ARHGAP15: variants seen among roughly 807,000 people sequenced by gnomAD.
The protein encoded by ARHGAP15 is Rho GTPase activating protein 15.
In ARHGAP15, 51 loss-of-function variants were observed where a neutral mutation model predicts 63.7. The ratio of observed to expected loss-of-function variants is 0.80; its 90% confidence interval spans 0.64 to 1.01. The LOEUF is 1.01. Among genes scored for constraint, ARHGAP15 ranks in the 50% least tolerant of loss-of-function variants. The probability of loss-of-function intolerance (pLI) is 0.00; values close to 1 mark genes in which losing one functional copy is unlikely to be tolerated. For missense variants in ARHGAP15, 560 were observed against 564.6 expected (o/e 0.99, Z 0.08); for synonymous variants, 191 against 193.8 (o/e 0.99, Z 0.12).
chr2:143,759,516 C>T (rs1352646678), intron 13 of ARHGAP15, among the ~76,000 whole-genome samples: 1 of 152,122 alleles, frequency 6.6e-6, no homozygotes, highest in African/African-American at 2.4e-5. Flanking sequence ...TGTCATTCTC[C>T]TGCTCGAACC....
At chr2:143,364,391 GAGTGGGAGTGAGA>G (rs1211570837) in intron 6 of ARHGAP15, among the ~76,000 whole-genome samples, 1 of 152,102 alleles carries the variant, frequency 6.6e-6, no homozygotes, top group Non-Finnish European at 1.5e-5. Flanking sequence ...ATTCATTTAG[GAGTGGGAGTGAGA>G]AGTGGGAGGG....
chr2:143,251,746 GGAGA>G (rs572990609), intron 6 of ARHGAP15, among the ~76,000 whole-genome samples: 1 of 151,910 alleles, frequency 6.6e-6, no homozygotes, highest in Non-Finnish European at 1.5e-5. Flanking sequence ...GAAATAAAAG[GGAGA>G]GAGAAAAGAT....
intron 11 of ARHGAP15, among the ~76,000 whole-genome samples, chr2:143,594,005 T>G (rs914455285): frequency 6.6e-6 from 1 of 152,198 alleles, no homozygotes; most frequent in African/African-American, 2.4e-5. Context: ...AGCAGAAATG[T>G]GTGATGTTTA....
intron 12 of ARHGAP15, among the ~76,000 whole-genome samples, chr2:143,677,682 C>G (rs993405213): frequency 6.6e-6 from 1 of 152,082 alleles, no homozygotes; most frequent in African/African-American, 2.4e-5. Context: ...AACCACAGAC[C>G]AGGAATTTGA....
At chr2:143,395,152 G>T (rs1687705630) in intron 6 of ARHGAP15, among the ~76,000 whole-genome samples, 1 of 152,062 alleles carries the variant, frequency 6.6e-6, no homozygotes, top group Non-Finnish European at 1.5e-5. Context: ...CATTAAAGGA[G>T]CTTAAAATTT....
chr2:143,539,048 A>G (rs891189340), intron 10 of ARHGAP15, among the ~76,000 whole-genome samples: 2 of 152,182 alleles, frequency 1.3e-5, no homozygotes, highest in African/African-American at 4.8e-5. Flanking sequence ...TTATTGCCTC[A>G]ATTTCAGAGC....
At chr2:143,345,380 C>T (rs1254557982) in intron 6 of ARHGAP15, among the ~76,000 whole-genome samples, 1 of 152,012 alleles carries the variant, frequency 6.6e-6, no homozygotes, top group African/African-American at 2.4e-5. Context: ...CTGTGTAGTG[C>T]CAAAGTGTGT....
At chr2:143,231,369 T>C (rs2104917988) in intron 5 of ARHGAP15, among the ~76,000 whole-genome samples, 1 of 152,262 alleles carries the variant, frequency 6.6e-6, no homozygotes, top group East Asian at 1.9e-4. Context: ...GAGAATATAC[T>C]AATTAATTCA....
intron 8 of ARHGAP15, among the ~76,000 whole-genome samples, chr2:143,437,678 A>C (rs896968648): frequency 3.3e-5 from 5 of 152,200 alleles, no homozygotes; most frequent in Non-Finnish European, 2.9e-5. Context: ...GGTTATTAAA[A>C]TATGCAACAC....
intron 10 of ARHGAP15, among the ~76,000 whole-genome samples, chr2:143,544,039 A>C (rs892724812): frequency 5.3e-5 from 8 of 152,188 alleles, no homozygotes; most frequent in African/African-American, 1.4e-4. Context: ...TTTTTGTACG[A>C]GTCCCAAAAT....
At chr2:143,169,545 A>G (rs2105043581) in intron 2 of ARHGAP15, among the ~76,000 whole-genome samples, 1 of 152,198 alleles carries the variant, frequency 6.6e-6, no homozygotes, top group Admixed American at 6.6e-5. Context: ...TAGTTATTTC[A>G]TGTATTCAGG....
intron 13 of ARHGAP15, among the ~76,000 whole-genome samples, chr2:143,714,109 C>G (rs1424361548): frequency 2.6e-5 from 4 of 152,234 alleles, no homozygotes; most frequent in African/African-American, 4.8e-5. Flanking sequence ...CATGAGGACC[C>G]TGCCCCTGCA....
chr2:143,381,260 A>C (rs2104941465), intron 6 of ARHGAP15, among the ~76,000 whole-genome samples: 1 of 152,220 alleles, frequency 6.6e-6, no homozygotes. Context: ...TATTCTCCCC[A>C]GATGATTATA....
chr2:143,398,509 T>C (rs934399506), intron 6 of ARHGAP15, among the ~76,000 whole-genome samples: 1 of 152,068 alleles, frequency 6.6e-6, no homozygotes, highest in South Asian at 2.1e-4. Context: ...CTGTATATGA[T>C]TGAATGTAAA....
At chr2:143,465,649 A>G (rs190855730) in intron 8 of ARHGAP15, among the ~76,000 whole-genome samples, 28 of 152,296 alleles carry the variant, frequency 1.8e-4, no homozygotes, top group Non-Finnish European at 3.2e-4. Context: ...ATTACATGAA[A>G]AAAGCATAAA....
At chr2:143,260,605 A>C (rs34354604) in intron 6 of ARHGAP15, among the ~76,000 whole-genome samples, 4 of 152,146 alleles carry the variant, frequency 2.6e-5, no homozygotes, top group Admixed American at 6.6e-5. Context: ...AAATCTGGAG[A>C]ATTATATACT....
chr2:143,631,232 G>A (rs1242460320), intron 12 of ARHGAP15, among the ~76,000 whole-genome samples: 2 of 151,896 alleles, frequency 1.3e-5, no homozygotes, highest in African/African-American at 4.8e-5. Flanking sequence ...ATGGATATTT[G>A]GGTTGTTTCT....
intron 10 of ARHGAP15, among the ~76,000 whole-genome samples, chr2:143,555,097 G>A (rs983770647): frequency 6.6e-6 from 1 of 152,146 alleles, no homozygotes; most frequent in African/African-American, 2.4e-5. Flanking sequence ...ACATGGAAGA[G>A]TAAAAACTAT....
rs117864073 is a variant in ARHGAP15, at chr2:143,338,076, T to C, written c.474+87476T>C. Among the ~76,000 whole-genome samples the C allele has an allele frequency of 3.2e-4, 49 of 152,308 alleles. No homozygotes were observed. The East Asian group carries it at 8.9e-3, about 28-fold the overall frequency. ...ATGGTGAGCATTAATCTAACTCTTA[T>C]ATGTTCTATCTCATTTTCCCCTTAC... On this transcript the variant is annotated intron_variant, in intron 6 of 13. Transcript: ENST00000295095.
Sources: allele counts gnomAD v4.1 joint callset (sites outside exome capture counted in the v4.1 genomes callset), GRCh38; gene constraint gnomAD v4.1.1; transcripts MANE v1.5; gene names NCBI Gene and HGNC (gene_info 2026-07-23, HGNC 2026-07-21).